The following ARHGAP27 variants were observed in gnomAD, a reference collection of about 807,000 sequenced individuals.
The protein encoded by ARHGAP27 is Rho GTPase activating protein 27.
Under a neutral mutation model 102.0 loss-of-function variants are expected in ARHGAP27, and 53 were observed. The ratio of observed to expected loss-of-function variants is 0.52; its 90% CI spans 0.42 to 0.65. The LOEUF is 0.65. Among genes scored for constraint, ARHGAP27 ranks in the 30% least tolerant of loss-of-function variants. ARHGAP27 has a pLI of 0.00. For missense variants in ARHGAP27, 1,117 were observed against 1,256.2 expected (o/e 0.89, Z 1.68); for synonymous variants, 525 against 542.8 (o/e 0.97, Z 0.46).
intron 4 of ARHGAP27, among the ~76,000 whole-genome samples, chr17:45,417,463 C>CA (rs879438055): frequency 1.8e-3 from 236 of 129,412 alleles, no homozygotes; most frequent in Admixed American, 4.2e-3. Context: ...GACTCAGTAT[C>CA]AAAAAAAAAA....
Position 45,411,795 on chromosome 17 carries a change from TCACACA to T in ARHGAP27, c.658-5718_658-5713del, listed in dbSNP as rs3068161. ...CCACCCTGAGGCCAGGGATGAGGAC[TCACACA>T]CACACACACACACACACACTACACA... is the stretch of plus-strand genomic sequence containing the variant. On this transcript the variant is annotated intron_variant, in intron 4 of 19. Coordinates refer to ENST00000685559, the MANE Select transcript of ARHGAP27 (RefSeq NM_001282290.2). Among the ~76,000 whole-genome samples, 17 of 149,162 alleles carry T rather than the reference TCACACA, an allele frequency of 1.1e-4. 1 individual carries two copies. The South Asian group carries it at 2.1e-3, about 19-fold the overall frequency.
At chr17:45,403,991 C>T (rs766553098) in intron 10 of ARHGAP27, 38 bp downstream of exon 10, 1 of 1,609,716 alleles carries the variant, frequency 6.2e-7, no homozygotes, top group East Asian at 2.2e-5. Flanking sequence ...GTCACCAAGG[C>T]CCACCCTGCC....
Position 45,395,529 on chromosome 17 carries a change from A to G in ARHGAP27, c.2597T>C (p.Met866Thr), listed in dbSNP as rs752251957. ...CACCTGGTTCTGGAACACCATGGTC[A>G]TGGGCATGCTGGTCTCTTCCACCTC... The part of the protein sequence containing the change: ...RPEVEETSMP[M>T]TMVFQNQVVE... Residue 866 changes from methionine (M) to threonine (T), a missense_variant, in exon 20 of 20, where the codon ATG becomes ACG. Physicochemically the swap from Met to Thr is moderately conservative, Grantham distance 81 (BLOSUM62 -1). Around this residue, in one of 3 missense-constraint regions of ARHGAP27, gnomAD observed 493 missense variants for 505.5 expected, o/e 0.98. Coordinates refer to ENST00000685559, the MANE Select transcript of ARHGAP27 (RefSeq NM_001282290.2). The G allele has an allele frequency of 6.9e-6, 11 of 1,601,542 alleles. No homozygotes were observed. In the South Asian group the frequency reaches 1.1e-4, roughly 16 times the overall value.
Position 45,406,022 on chromosome 17 carries a change from G to C in ARHGAP27, c.719C>G (p.Pro240Arg). 6.5e-7 allele frequency: 1 copy of C among 1,534,862 alleles called. No individual in the cohort carries two copies. The highest frequency in any genetic ancestry group is 8.7e-7 in the Non-Finnish European group (1 of 1,146,174). Residue 240 changes from proline (P) to arginine (R), a missense_variant, in exon 5 of 20, where the codon CCG (proline) becomes CGG (arginine). By Grantham distance (103) the Pro-to-Arg change is moderately radical. Transcript: ENST00000685559. ...NIERQPRATS[P>R]GAAAAPLPSP... ...GGGAAGGGGGGCTGCAGCGGCGCCC[G>C]GTGAAGTGGCCCGGGGCTGCCTCTC...
intron 13 of ARHGAP27, chr17:45,397,380 C>T (rs1457565338): frequency 2.0e-6 from 2 of 997,792 alleles, no homozygotes; most frequent in South Asian, 3.2e-5. Flanking sequence ...GAGCCTGCAC[C>T]TCCAGCTGTG....
chr17:45,424,718 C>T (rs1334354257), intron 4 of ARHGAP27, among the ~76,000 whole-genome samples: 1 of 151,918 alleles, frequency 6.6e-6, no homozygotes, highest in Non-Finnish European at 1.5e-5. Context: ...GGGTACAGTG[C>T]ACACCAGTCG....
In ARHGAP27 at chr17:45,394,718, G is replaced by A. The variant is rs1822008215; in HGVS notation, c.*738C>T. ...AGTCACACTGCTGCTGCAGGCCTCA[G>A]CGTCCTTGTCTGTAAAATGGGATGG... On this transcript the variant is annotated 3_prime_UTR_variant, in exon 20 of 20. Transcript: ENST00000685559. 1 of 152,410 alleles carries A rather than the reference G, an allele frequency of 6.6e-6. No individual in the cohort carries two copies. Among genetic ancestry groups the A allele is most frequent in the African/African-American group, 2.4e-5 (1 of 41,476 alleles). The allele number at this position is 152,410 out of a possible 1,614,324, so 9.4% of individuals were successfully genotyped here.
At chr17:45,404,741 T>C in intron 6 of ARHGAP27, 60 bp from the exon 7 acceptor site, 5 of 1,555,860 alleles carry the variant, frequency 3.2e-6, no homozygotes, top group Non-Finnish European at 4.4e-6. Flanking sequence ...AGGAAAAGTT[T>C]CCCTCTAACC....
At chr17:45,396,453 A>G in intron 16 of ARHGAP27, 34 bp downstream of exon 16, 2 of 1,498,482 alleles carry the variant, frequency 1.3e-6, no homozygotes, top group Non-Finnish European at 1.8e-6. Flanking sequence ...GGGCACCCCA[A>G]TGCCTGCCGC....
In ARHGAP27 at chr17:45,404,635, G is replaced by A; in HGVS notation, c.1295C>T (p.Pro432Leu). The change falls in exon 7 of 20, where the codon CCA becomes CTA. Residue 432 changes from proline to leucine, a missense_variant. Coordinates refer to ENST00000685559, the MANE Select transcript of ARHGAP27 (RefSeq NM_001282290.2). ...CTCCCATCGAACAGAGGAGTCCTCT[G>A]GATTGTAGAAGTATGGCTTCCCGTG... ...DPHGKPYFYN[P>L]EDSSVRWELP... 1 of 1,613,604 alleles carries A rather than the reference G, an allele frequency of 6.2e-7. No homozygotes were observed. The highest frequency in any genetic ancestry group is 8.5e-7 in the Non-Finnish European group (1 of 1,179,866).
Position 45,430,379 on chromosome 17 carries a change from T to C in ARHGAP27, c.-18-82A>G. Reference sequence around the variant, plus strand: ...CCCGCACTCGGGGACAGACTTGGGTTCGAGTCCCGATCCTGCACTCGCCGT... The same window carrying C: ...CCCGCACTCGGGGACAGACTTGGGTCCGAGTCCCGATCCTGCACTCGCCGT... On this transcript the variant is annotated intron_variant, in intron 3 of 19. Transcript: ENST00000685559. The surrounding 1 kb of genome is among the most constrained non-coding windows in gnomAD (Gnocchi z 4.4). 6.8e-7 allele frequency: 1 copy of C among 1,476,890 alleles called. No homozygotes were observed. Among genetic ancestry groups the C allele is most frequent in the South Asian group, 1.3e-5 (1 of 75,584 alleles). The allele number at this position is 1,476,890 out of a possible 1,614,324, so 91.5% of individuals were successfully genotyped here.
chr17:45,429,123 G>A (rs2049853450), intron 4 of ARHGAP27, among the ~76,000 whole-genome samples: 2 of 152,216 alleles, frequency 1.3e-5, no homozygotes, highest in East Asian at 1.9e-4. Flanking sequence ...CGGGCAAGTC[G>A]GTTGGGCCGG....
rs898268330 is a variant in ARHGAP27 at position 45,428,805 on chromosome 17, CT to C, written c.657+817del. On this transcript the variant is annotated intron_variant, in intron 4 of 19. Coordinates refer to ENST00000685559, the MANE Select transcript of ARHGAP27 (RefSeq NM_001282290.2). ...CAGATGGCAGAACGGTTCTGAGCAT[CT>C]TTTTTTCCCCTCGGGCTGCCCCTCT... 3.3e-5 allele frequency among the ~76,000 whole-genome samples: 5 copies of C among 152,112 alleles called. No individual in the cohort carries two copies. The East Asian group carries it at 9.6e-4, about 29-fold the overall frequency.
intron 12 of ARHGAP27, among the ~76,000 whole-genome samples, chr17:45,398,666 G>A (rs991243551): frequency 2.0e-5 from 3 of 151,686 alleles, no homozygotes; most frequent in African/African-American, 7.3e-5. Flanking sequence ...CCCGGGAAGC[G>A]GAGGTTACCG....
At position 45,395,994 on chromosome 17, in the gene ARHGAP27, A is replaced by G. The variant is rs773985489; in HGVS notation, c.2375T>C (p.Ile792Thr). The G allele has an allele frequency of 1.4e-5, 23 of 1,611,492 alleles. No individual in the cohort carries two copies. The South Asian group carries it at 2.4e-4, about 17-fold the overall frequency. Residue 792 changes from isoleucine (I) to threonine (T), a missense_variant, in exon 18 of 20, where the codon ATT (isoleucine) becomes ACT (threonine). By Grantham distance (89) the Ile-to-Thr change is moderately conservative (BLOSUM62 -1). Coordinates refer to ENST00000685559, the MANE Select transcript of ARHGAP27 (RefSeq NM_001282290.2). ...LFPFSHFRQF[I>T]AAIKLQDQAR... is the part of the protein sequence containing the mutation. ...CCCCAGGTGCTCACTGATGGCCGCA[A>G]TGAACTGGCGGAAGTGCGAGAAGGG...
At position 45,410,238 on chromosome 17, in the gene ARHGAP27, C is replaced by T. The variant is rs185505114; in HGVS notation, c.658-4155G>A. ...TGACCCCAGCATCCCCTACCTGTGC[C>T]GGCAAGGCTCGACTCTGCCTCCTGG... On this transcript the variant is annotated intron_variant, in intron 4 of 19. Coordinates refer to ENST00000685559, the MANE Select transcript of ARHGAP27 (RefSeq NM_001282290.2). The T allele has an allele frequency of 9.5e-5, 145 of 1,533,888 alleles. 1 individual carries two copies. In the African/African-American group the frequency reaches 1.0e-3, roughly 11 times the overall value.
chr17:45,415,421 C>T (rs1326262062), intron 4 of ARHGAP27, among the ~76,000 whole-genome samples: 1 of 152,204 alleles, frequency 6.6e-6, no homozygotes, highest in Non-Finnish European at 1.5e-5. Flanking sequence ...CACTCCACCG[C>T]CTTGGGAGAG....
Position 45,430,925 on chromosome 17 carries a change from C to T in ARHGAP27, c.-18-628G>A, listed in dbSNP as rs950105472. Among the ~76,000 whole-genome samples the T allele has an allele frequency of 7.2e-5, 11 of 152,136 alleles. No individual in the cohort carries two copies. The highest frequency in any genetic ancestry group is 2.4e-4 in the African/African-American group (10 of 41,426). On this transcript the variant is annotated intron_variant, in intron 3 of 19. Transcript: ENST00000685559. This position sits in a 1 kb window ranked among gnomAD's most constrained non-coding sequence, Gnocchi z 4.4. Reference sequence around the variant, plus strand: ...CCGAGGGCCTTGCTGTAGAGGCCTCCGCTGCCAATGCAGGGGAACCGGTTC... The same window carrying T: ...CCGAGGGCCTTGCTGTAGAGGCCTCTGCTGCCAATGCAGGGGAACCGGTTC...
rs1048720204 is a variant in ARHGAP27 at position 45,430,339 on chromosome 17, C to T, written c.-18-42G>A. On this transcript the variant is annotated intron_variant, in intron 3 of 19. Transcript: ENST00000685559. The surrounding 1 kb of genome is among the most constrained non-coding windows in gnomAD (Gnocchi z 4.4). Reference sequence around the variant, plus strand: ...GGAGGGCCGCGGAGGTCAAGACCACCGAGCCTGGAATAGCCCCGCACTCGG... The same window carrying T: ...GGAGGGCCGCGGAGGTCAAGACCACTGAGCCTGGAATAGCCCCGCACTCGG... 138 of 1,511,018 alleles carry T rather than the reference C, an allele frequency of 9.1e-5. No homozygotes were observed. The highest frequency in any genetic ancestry group is 1.4e-4 in the Admixed American group (6 of 44,222). The allele number at this position is 1,511,018 out of a possible 1,614,324, so 93.6% of individuals were successfully genotyped here.
Sources: allele counts gnomAD v4.1 joint callset (sites outside exome capture counted in the v4.1 genomes callset), GRCh38; gene constraint gnomAD v4.1.1; regional missense constraint gnomAD v4.1.1; non-coding constraint Gnocchi (gnomAD v3.1); transcripts MANE v1.5; gene names NCBI Gene and HGNC (gene_info 2026-07-23, HGNC 2026-07-21).